The following ATP2B1 variants were observed in gnomAD, a reference collection of about 807,000 sequenced individuals.
ATP2B1 encodes the protein ATPase plasma membrane Ca2+ transporting 1.
ATP2B1 carries 14 observed loss-of-function variants against 124.2 expected under a neutral mutation model. That is an observed-to-expected ratio of 0.11 (90% CI 0.07 to 0.18). ATP2B1 has a LOEUF of 0.18. Among genes scored for constraint, ATP2B1 ranks in the 10% least tolerant of loss-of-function variants. ATP2B1 has a pLI of 1.00. For missense variants in ATP2B1, 763 were observed against 1,466.1 expected (o/e 0.52, Z 7.83); for synonymous variants, 449 against 492.4 (o/e 0.91, Z 1.17).
At chr12:89,658,645 G>T (rs528665279) in intron 1 of ATP2B1, among the ~76,000 whole-genome samples, 9 of 137,984 alleles carry the variant, frequency 6.5e-5, no homozygotes, top group Non-Finnish European at 1.1e-4. Context: ...GAGAGAGAGA[G>T]AGATAGAGAT....
chr12:89,589,832 A>G lies in ATP2B1; in HGVS notation c.*1152T>C, dbSNP rs1873228821. On this transcript the variant is annotated 3_prime_UTR_variant, in exon 21 of 21. Transcript: ENST00000428670. ...ATTTAATAAAAGGGCATATTTATTT[A>G]TGTTTACAAACAAGTTTCAAAAACA... is the stretch of plus-strand genomic sequence containing the variant. 2.0e-5 allele frequency: 3 copies of G among 152,296 alleles called. No individual in the cohort carries two copies. The South Asian group carries it at 6.2e-4, about 31-fold the overall frequency. The allele number at this position is 152,296 out of a possible 1,614,324, so 9.4% of individuals were successfully genotyped here. A position where few individuals can be genotyped will look rare whatever the true frequency, so the allele number is the denominator to read the frequency against.
intron 5 of ATP2B1, among the ~76,000 whole-genome samples, chr12:89,633,822 A>C (rs555103136): frequency 1.1e-4 from 16 of 152,252 alleles, no homozygotes; most frequent in African/African-American, 2.6e-4. Context: ...GACTACATGT[A>C]GAAGGCTACA....
chr12:89,678,764 A>T (rs1390271489), intron 1 of ATP2B1, among the ~76,000 whole-genome samples: 1 of 152,206 alleles, frequency 6.6e-6, no homozygotes, highest in African/African-American at 2.4e-5. Context: ...ATAAATTTTT[A>T]AAATTTAAAC....
chr12:89,642,287 T>C lies in ATP2B1; in HGVS notation c.277A>G (p.Lys93Glu). 1 of 1,613,884 alleles carries C rather than the reference T, an allele frequency of 6.2e-7. No homozygotes were observed. Among genetic ancestry groups the C allele is most frequent in the Non-Finnish European group, 8.5e-7 (1 of 1,179,896 alleles). ...AVFGKNFIPP[K>E]KPKTFLQLVW... ...AATTGAAGAAAGGTTTTTGGCTTTT[T>C]AGGAGGTATAAAATTCTTTCCAAAC... The change falls in exon 3 of 21, where the codon AAA (lysine) becomes GAA (glutamate). Residue 93 changes from lysine (K) to glutamate (E), a missense_variant. Around this residue, in one of 7 missense-constraint regions of ATP2B1, gnomAD observed 93 missense variants for 112.7 expected, o/e 0.83. Coordinates refer to ENST00000428670, the MANE Select transcript of ATP2B1 (RefSeq NM_001366521.1).
chr12:89,588,921 T>TCCAC lies in ATP2B1; in HGVS notation c.*2059_*2062dup, dbSNP rs1029225226. ...GAGTTGAAAGGGTTCTTCAAGATAG[T>TCCAC]CCACCACCCTTATTTAGGGTAAATG... On this transcript the variant is annotated 3_prime_UTR_variant, in exon 21 of 21. Transcript: ENST00000428670. 1.3e-5 allele frequency: 2 copies of TCCAC among 152,580 alleles called. No individual in the cohort carries two copies. The highest frequency in any genetic ancestry group is 2.9e-5 in the Non-Finnish European group (2 of 68,020). 9.5% of individuals were successfully genotyped at this position (152,580 alleles called of 1,614,324 possible).
intron 1 of ATP2B1, among the ~76,000 whole-genome samples, chr12:89,662,211 C>T (rs1298373799): frequency 1.3e-5 from 2 of 151,440 alleles, no homozygotes; most frequent in African/African-American, 4.9e-5. Context: ...GATCTTTCAA[C>T]CTTCTTACAT....
chr12:89,621,859 T>C, intron 9 of ATP2B1, 68 bp from the exon 10 acceptor site: 2 of 1,338,130 alleles, frequency 1.5e-6, no homozygotes, highest in South Asian at 3.7e-5. Flanking sequence ...TACATTAAAA[T>C]GATTATAAAT....
At chr12:89,685,279 AG>A (rs1243228763) in intron 1 of ATP2B1, among the ~76,000 whole-genome samples, 24 of 152,140 alleles carry the variant, frequency 1.6e-4, no homozygotes, top group African/African-American at 5.6e-4. Flanking sequence ...CTCCAATCAA[AG>A]GATCTCTTCA....
intron 5 of ATP2B1, among the ~76,000 whole-genome samples, chr12:89,632,279 T>C (rs935395184): frequency 2.6e-5 from 4 of 152,238 alleles, no homozygotes; most frequent in Admixed American, 1.3e-4. Context: ...AGTACGCTCA[T>C]AAAATATATG....
chr12:89,700,018 T>G (rs1157510140), intron 1 of ATP2B1, among the ~76,000 whole-genome samples: 2 of 150,738 alleles, frequency 1.3e-5, no homozygotes, highest in African/African-American at 4.9e-5. Context: ...CTAAATTTTT[T>G]TTTTTTTTTT....
intron 14 of ATP2B1, among the ~76,000 whole-genome samples, 160 bp downstream of exon 14, chr12:89,610,258 TAAC>T (rs1877744989): frequency 2.0e-5 from 3 of 152,308 alleles, no homozygotes; most frequent in African/African-American, 7.2e-5. Flanking sequence ...GATAATCACT[TAAC>T]AACACAATTT....
At chr12:89,639,467 G>A (rs1883183382) in intron 3 of ATP2B1, among the ~76,000 whole-genome samples, 1 of 151,854 alleles carries the variant, frequency 6.6e-6, no homozygotes, top group African/African-American at 2.4e-5. Context: ...TAGTGCCACT[G>A]CACTCCAGCC....
intron 1 of ATP2B1, among the ~76,000 whole-genome samples, chr12:89,707,932 G>A (rs1194515975): frequency 6.6e-6 from 1 of 152,196 alleles, no homozygotes; most frequent in African/African-American, 2.4e-5. Flanking sequence ...GGGGGCGCAG[G>A]CTTTTTTCTC....
chr12:89,705,611 G>A (rs1892358258), intron 1 of ATP2B1, among the ~76,000 whole-genome samples: 1 of 152,124 alleles, frequency 6.6e-6, no homozygotes. Flanking sequence ...AAGTTAACAT[G>A]TCTGTCAGTC....
intron 11 of ATP2B1, among the ~76,000 whole-genome samples, chr12:89,618,269 G>A (rs1879352131): frequency 6.6e-6 from 1 of 152,122 alleles, no homozygotes; most frequent in Non-Finnish European, 1.5e-5. Context: ...AAATATTACT[G>A]TGGGAACACT....
intron 1 of ATP2B1, among the ~76,000 whole-genome samples, chr12:89,673,221 C>T (rs951166899): frequency 2.0e-5 from 3 of 152,184 alleles, no homozygotes; most frequent in African/African-American, 7.2e-5. Context: ...AGATACTTTT[C>T]ATAGCCTTGC....
At chr12:89,610,156 A>C in intron 14 of ATP2B1, 113 bp from the exon 15 acceptor site, 1 of 1,011,958 alleles carries the variant, frequency 9.9e-7, no homozygotes, top group Non-Finnish European at 1.4e-6. Context: ...AAATAAACAA[A>C]TATAAAAATG....
chr12:89,703,707 G>T (rs1892124997), intron 1 of ATP2B1, among the ~76,000 whole-genome samples: 1 of 151,922 alleles, frequency 6.6e-6, no homozygotes, highest in Non-Finnish European at 1.5e-5. Context: ...ACCACAGATG[G>T]ATCTTCTGAA....
intron 1 of ATP2B1, among the ~76,000 whole-genome samples, chr12:89,692,902 G>A (rs1037042183): frequency 1.3e-5 from 2 of 151,988 alleles, no homozygotes; most frequent in Non-Finnish European, 2.9e-5. Flanking sequence ...TGTTTATATC[G>A]ACTAGTCTAT....
Sources: allele counts gnomAD v4.1 joint callset (sites outside exome capture counted in the v4.1 genomes callset), GRCh38; gene constraint gnomAD v4.1.1; regional missense constraint gnomAD v4.1.1; transcripts MANE v1.5; gene names NCBI Gene and HGNC (gene_info 2026-07-23, HGNC 2026-07-21).